The following CLVS1 variants were observed in gnomAD, a reference collection of about 807,000 sequenced individuals.
CLVS1 encodes clavesin 1, also known as clavesin-1.
A neutral mutation model predicts 33.1 loss-of-function variants in CLVS1; 10 were observed. The ratio of observed to expected loss-of-function variants is 0.30; its 90% confidence interval spans 0.19 to 0.51. The LOEUF is 0.51. Among genes scored for constraint, CLVS1 ranks in the 20% least tolerant of loss-of-function variants. The pLI, the probability that CLVS1 is intolerant of heterozygous loss-of-function variation, is 0.97. For missense variants in CLVS1, 343 were observed against 433.4 expected (o/e 0.79, Z 1.85); for synonymous variants, 163 against 166.1 (o/e 0.98, Z 0.14).
intron 5 of CLVS1, among the ~76,000 whole-genome samples, chr8:61,486,422 C>G (rs1409102094): frequency 6.6e-6 from 1 of 152,216 alleles, no homozygotes; most frequent in African/African-American, 2.4e-5. Context: ...AATCATAGTT[C>G]AGGCTACTGA....
intron 3 of CLVS1, among the ~76,000 whole-genome samples, chr8:61,392,186 G>T (rs1490848010): frequency 1.3e-5 from 2 of 152,114 alleles, no homozygotes; most frequent in South Asian, 2.1e-4. Context: ...TTAAAAATTA[G>T]TTGGGCATGG....
chr8:61,208,054 C>A (rs1439843600), intron 2 of CLVS1, among the ~76,000 whole-genome samples: 1 of 152,244 alleles, frequency 6.6e-6, no homozygotes, highest in African/African-American at 2.4e-5. Context: ...GGAAATTTAG[C>A]TCCATTGTCA....
chr8:61,185,429 T>C (rs943396638), intron 2 of CLVS1, among the ~76,000 whole-genome samples: 1 of 151,886 alleles, frequency 6.6e-6, no homozygotes, highest in Non-Finnish European at 1.5e-5. Context: ...CCTGGAATTA[T>C]AGGCATGAAC....
intron 1 of CLVS1, among the ~76,000 whole-genome samples, chr8:61,104,371 T>C (rs1416599751): frequency 2.0e-5 from 3 of 152,178 alleles, no homozygotes; most frequent in South Asian, 2.1e-4. Context: ...CAGAGATATA[T>C]AGGTAGCGTG....
chr8:61,121,168 C>T (rs1805858262), intron 1 of CLVS1, among the ~76,000 whole-genome samples: 1 of 152,034 alleles, frequency 6.6e-6, no homozygotes, highest in South Asian at 2.1e-4. Context: ...TTCTTTGACT[C>T]GGAAAGGGAA....
chr8:61,256,620 A>G (rs1385922716), intron 2 of CLVS1, among the ~76,000 whole-genome samples: 7 of 150,770 alleles, frequency 4.6e-5, no homozygotes, highest in Admixed American at 4.6e-4. Flanking sequence ...TATTTTAAAA[A>G]CTAACCTACT....
intron 2 of CLVS1, among the ~76,000 whole-genome samples, chr8:61,132,312 G>T: frequency 6.6e-6 from 1 of 152,350 alleles, no homozygotes; most frequent in African/African-American, 2.4e-5. Flanking sequence ...CTGGGGTTGC[G>T]GCAGGGGAAT....
chr8:61,426,325 C>T (rs896401706), intron 3 of CLVS1, among the ~76,000 whole-genome samples: 1 of 152,196 alleles, frequency 6.6e-6, no homozygotes, highest in African/African-American at 2.4e-5. Flanking sequence ...TACCTTGTTA[C>T]TTCTAGCTCA....
chr8:61,455,312 C>A (rs1437404716), intron 4 of CLVS1, among the ~76,000 whole-genome samples: 2 of 151,974 alleles, frequency 1.3e-5, no homozygotes, highest in African/African-American at 4.8e-5. Flanking sequence ...AAAATCTATT[C>A]TCATCCTATA....
rs370287016 is a variant in CLVS1 at position 61,392,535 on chromosome 8, T to A, written c.630+15756T>A. On this transcript the variant is annotated intron_variant, in intron 3 of 5. Transcript: ENST00000325897. ...AGTATTGCCAATCACCCTACCCTTT[T>A]ACCTCTTAAAATCTTATCCCTCACT... is the stretch of plus-strand genomic sequence containing the variant. 2.0e-3 allele frequency among the ~76,000 whole-genome samples: 309 copies of A among 152,246 alleles called. 2 individuals are homozygous for A. The highest frequency in any genetic ancestry group is 6.8e-3 in the African/African-American group (283 of 41,554).
intron 5 of CLVS1, among the ~76,000 whole-genome samples, chr8:61,469,678 C>A (rs977472139): frequency 2.0e-5 from 3 of 152,144 alleles, no homozygotes; most frequent in Non-Finnish European, 4.4e-5. Flanking sequence ...TCATGAAATA[C>A]CATCTATATG....
intron 3 of CLVS1, among the ~76,000 whole-genome samples, chr8:61,444,822 C>G (rs181391554): frequency 6.6e-6 from 1 of 152,232 alleles, no homozygotes; most frequent in East Asian, 1.9e-4. Context: ...TTTGGTGGAC[C>G]CTTGTGGGTA....
intron 2 of CLVS1, among the ~76,000 whole-genome samples, chr8:61,160,412 CA>C (rs1049186912): frequency 1.3e-5 from 2 of 152,126 alleles, no homozygotes; most frequent in Non-Finnish European, 2.9e-5. Context: ...CCTCCCGAAA[CA>C]AAAACAATTC....
At chr8:61,029,179 G>A in the CLVS1 span, among the ~76,000 whole-genome samples, 1 of 152,204 alleles carries the variant, frequency 6.6e-6, no homozygotes, top group African/African-American at 2.4e-5. Flanking sequence ...CACAAGTTGA[G>A]TAACAAGTGC....
At chr8:61,457,742 A>G (rs2129607163) in intron 4 of CLVS1, among the ~76,000 whole-genome samples, 1 of 152,298 alleles carries the variant, frequency 6.6e-6, no homozygotes, top group Middle Eastern at 3.4e-3. Flanking sequence ...GGGAAACAAG[A>G]CGTAAATGAA....
intron 3 of CLVS1, among the ~76,000 whole-genome samples, chr8:61,428,169 A>G (rs564401646): frequency 5.3e-5 from 8 of 152,236 alleles, no homozygotes; most frequent in South Asian, 2.1e-4. Context: ...ATAACACCCC[A>G]TAAGTCACAA....
chr8:61,385,354 G>C (rs565569891), intron 3 of CLVS1, among the ~76,000 whole-genome samples: 128 of 152,274 alleles, frequency 8.4e-4, no homozygotes, highest in Middle Eastern at 3.4e-3. Context: ...TAATATATTA[G>C]CAGAAATAGA....
At chr8:61,330,873 T>C (rs1429781049) in intron 2 of CLVS1, among the ~76,000 whole-genome samples, 2 of 151,710 alleles carry the variant, frequency 1.3e-5, no homozygotes, top group African/African-American at 4.8e-5. Flanking sequence ...GAGGATTGTT[T>C]GAGCCTGGGA....
At chr8:61,357,112 C>T (rs1354210469) in intron 2 of CLVS1, among the ~76,000 whole-genome samples, 1 of 152,022 alleles carries the variant, frequency 6.6e-6, no homozygotes, top group African/African-American at 2.4e-5. Context: ...TGTAGTTCTC[C>T]TTGAAGAGAT....
Sources: allele counts gnomAD v4.1 joint callset (sites outside exome capture counted in the v4.1 genomes callset), GRCh38; gene constraint gnomAD v4.1.1; transcripts MANE v1.5; gene names NCBI Gene and HGNC (gene_info 2026-07-23, HGNC 2026-07-21).